FOXP1: variants seen among roughly 807,000 people sequenced by gnomAD.
The protein encoded by FOXP1 is forkhead box protein P1.
A neutral mutation model predicts 98.2 loss-of-function variants in FOXP1; 15 were observed. The ratio of observed to expected loss-of-function variants is 0.15; its 90% CI spans 0.10 to 0.24. The LOEUF (loss-of-function observed/expected upper bound fraction) is 0.24. FOXP1 is among the 10% of genes least tolerant of loss of function. The pLI, the probability that FOXP1 is intolerant of heterozygous loss-of-function variation, is 1.00. For synonymous variants in FOXP1, 371 were observed against 314.5 expected (o/e 1.18, Z -1.90); for missense variants, 633 against 848.5 (o/e 0.75, Z 3.15).
intron 4 of FOXP1, among the ~76,000 whole-genome samples, chr3:71,330,585 T>A (rs970848181): frequency 6.6e-6 from 1 of 152,224 alleles, no homozygotes; most frequent in Non-Finnish European, 1.5e-5. Context: ...TGGTAAAGAA[T>A]CTGTGGACAA....
At chr3:71,237,388 T>C (rs1213199100) in intron 5 of FOXP1, among the ~76,000 whole-genome samples, 2 of 152,072 alleles carry the variant, frequency 1.3e-5, no homozygotes, top group African/African-American at 4.8e-5. Flanking sequence ...TGCCAGCATA[T>C]ATTTTATACA....
chr3:71,316,605 C>T (rs1022787398), intron 4 of FOXP1, among the ~76,000 whole-genome samples: 22 of 151,964 alleles, frequency 1.4e-4, no homozygotes, highest in African/African-American at 4.6e-4. Flanking sequence ...TTGGGGCACC[C>T]GGATGTAGGC....
At chr3:71,337,382 T>C (rs993418227) in intron 4 of FOXP1, among the ~76,000 whole-genome samples, 7 of 152,228 alleles carry the variant, frequency 4.6e-5, no homozygotes, top group Non-Finnish European at 2.9e-5. Context: ...ACATCTGCAG[T>C]GCTCAGTAGA....
chr3:71,272,766 G>A (rs953681556), intron 5 of FOXP1, among the ~76,000 whole-genome samples: 26 of 151,186 alleles, frequency 1.7e-4, no homozygotes, highest in South Asian at 1.5e-3. Flanking sequence ...CCCCTTATTA[G>A]GGTCACCTGA....
intron 3 of FOXP1, among the ~76,000 whole-genome samples, chr3:71,397,933 AG>A (rs1159091849): frequency 4.6e-5 from 7 of 152,226 alleles, no homozygotes; most frequent in Non-Finnish European, 8.8e-5. Context: ...AGGTAGAGAC[AG>A]GGAAAGAAGG....
chr3:71,238,306 C>T (rs2066963505), intron 5 of FOXP1, among the ~76,000 whole-genome samples: 1 of 152,168 alleles, frequency 6.6e-6, no homozygotes, highest in Middle Eastern at 3.2e-3. Flanking sequence ...TAAGTAGGGA[C>T]AAATTACAGT....
chr3:71,016,917 A>G (rs2044580537), intron 11 of FOXP1, among the ~76,000 whole-genome samples: 1 of 152,130 alleles, frequency 6.6e-6, no homozygotes, highest in South Asian at 2.1e-4. Context: ...ACGTCTCCCT[A>G]TGACTTCTGA....
chr3:71,230,235 T>C (rs1183656503), intron 5 of FOXP1, among the ~76,000 whole-genome samples: 1 of 152,220 alleles, frequency 6.6e-6, no homozygotes, highest in Non-Finnish European at 1.5e-5. Flanking sequence ...GCAAACTGTG[T>C]AGCTTTTCAA....
At chr3:71,403,447 T>G (rs2082080077) in intron 3 of FOXP1, among the ~76,000 whole-genome samples, 1 of 152,220 alleles carries the variant, frequency 6.6e-6, no homozygotes, top group Non-Finnish European at 1.5e-5. Context: ...AGATTTGGAC[T>G]GGGATTAAAG....
intron 6 of FOXP1, among the ~76,000 whole-genome samples, chr3:71,141,338 C>T (rs976179873): frequency 2.0e-4 from 31 of 151,300 alleles, no homozygotes; most frequent in African/African-American, 4.4e-4. Flanking sequence ...ACTCATCACA[C>T]GCCTCCTTTC....
chr3:71,175,075 G>A lies in FOXP1; in HGVS notation c.180+23127C>T, dbSNP rs559822418. ...TTACAAGCGCCTGCCACCACGCCTCGCTAATTTTTTGTGTTTTCAGTAGAG... is the reference window on the plus strand; with the variant it reads ...TTACAAGCGCCTGCCACCACGCCTCACTAATTTTTTGTGTTTTCAGTAGAG... On this transcript the variant is annotated intron_variant, in intron 6 of 20. Transcript: ENST00000649528. 3.0e-3 allele frequency among the ~76,000 whole-genome samples: 459 copies of A among 152,076 alleles called. 4 individuals carry two copies. The highest frequency in any genetic ancestry group is 0.01 in the African/African-American group (431 of 41,498).
intron 13 of FOXP1, among the ~76,000 whole-genome samples, chr3:71,000,301 T>A (rs1576020727): frequency 2.0e-5 from 3 of 149,864 alleles, no homozygotes; most frequent in Non-Finnish European, 4.4e-5. Flanking sequence ...ATACTAGATT[T>A]TATATATATA....
rs570293059 is a variant in FOXP1, at chr3:71,530,138, T to A, written c.-297-36583A>T. On this transcript the variant is annotated intron_variant, in intron 2 of 20. Coordinates refer to ENST00000649528, the MANE Select transcript of FOXP1 (RefSeq NM_001349338.3). ...TGGTTAGTGCTATGGTTTGAATGCA[T>A]CTCCCTAAGTTTATGCGTAGAATCT... Among the ~76,000 whole-genome samples the A allele has an allele frequency of 2.1e-4, 32 of 152,208 alleles. No homozygotes were observed. The South Asian group carries it at 6.2e-3, about 30-fold the overall frequency.
intron 4 of FOXP1, among the ~76,000 whole-genome samples, chr3:71,342,572 A>G (rs1203539150): frequency 1.3e-5 from 2 of 152,056 alleles, no homozygotes; most frequent in African/African-American, 4.8e-5. Flanking sequence ...AGACTCCTGT[A>G]GTTCCAGCTA....
chr3:71,198,425 A>AGGGGGGGGGGGT (rs747142970), intron 5 of FOXP1, 33 bp from the exon 6 acceptor site: 23 of 530,136 alleles, frequency 4.3e-5, no homozygotes, highest in East Asian at 2.2e-4. Flanking sequence ...GGGGGGAGGG[A>AGGGGGGGGGGGT]GGGGGGGAGA....
chr3:71,479,379 G>C (rs1462497304), intron 3 of FOXP1, among the ~76,000 whole-genome samples: 1 of 152,180 alleles, frequency 6.6e-6, no homozygotes, highest in East Asian at 1.9e-4. Context: ...TTGTCAAAAA[G>C]AAGTACCCTT....
At chr3:71,220,475 C>A (rs1309271100) in intron 5 of FOXP1, among the ~76,000 whole-genome samples, 1 of 152,166 alleles carries the variant, frequency 6.6e-6, no homozygotes, top group Non-Finnish European at 1.5e-5. Flanking sequence ...AGGGCCAGCA[C>A]CCTGGCTTAC....
At chr3:71,582,888 C>CGCACTGGGGA in intron 1 of FOXP1, 1 of 854,826 alleles carries the variant, frequency 1.2e-6, no homozygotes, top group Non-Finnish European at 1.4e-6. Context: ...GGAAGTTCCC[C>CGCACTGGGGA]AGTGCGGGGC....
intron 3 of FOXP1, among the ~76,000 whole-genome samples, chr3:71,444,111 A>G (rs568295846): frequency 6.6e-6 from 1 of 152,212 alleles, no homozygotes; most frequent in Non-Finnish European, 1.5e-5. Context: ...ATCAACGTCA[A>G]TTGGCACTGG....
Sources: gnomAD v4.1 joint callset for allele counts (sites outside exome capture counted in the v4.1 genomes callset) on GRCh38, gnomAD v4.1.1 for gene constraint, MANE v1.5 for transcripts, NCBI Gene and HGNC (gene_info 2026-07-23, HGNC 2026-07-21) for gene names.